Variants in INPP4B observed in about 807,000 individuals in gnomAD.
INPP4B encodes inositol polyphosphate-4-phosphatase type II B.
INPP4B carries 55 observed loss-of-function variants against 122.5 expected under a neutral mutation model. That is an observed-to-expected ratio of 0.45 (90% confidence interval 0.36 to 0.56). INPP4B has a LOEUF of 0.56. Ranked by LOEUF, INPP4B falls within the 20% of genes least tolerant of loss-of-function variation. INPP4B has a pLI of 0.00. For synonymous variants in INPP4B, 403 were observed against 388.7 expected (o/e 1.04, Z -0.43); for missense variants, 1,000 against 1,097.7 (o/e 0.91, Z 1.26).
At chr4:142,614,222 A>AAAAC (rs1388694245) in intron 2 of INPP4B, among the ~76,000 whole-genome samples, 3 of 152,108 alleles carry the variant, frequency 2.0e-5, no homozygotes, top group Non-Finnish European at 2.9e-5. Flanking sequence ...ACTCTGTCTC[A>AAAAC]AAACAAACAA....
At position 142,822,880 on chromosome 4, in the gene INPP4B, T is replaced by C. The variant is rs182357810; in HGVS notation, c.-254+23329A>G. ...GCTATGTTCACAAACAATTCCAAAA[T>C]CTTCCTGTCTTCTTACAAAGGTTTC... is the stretch of plus-strand genomic sequence containing the variant. On this transcript the variant is annotated intron_variant, in intron 1 of 25. Transcript: ENST00000262992. 4.2e-3 allele frequency among the ~76,000 whole-genome samples: 644 copies of C among 152,296 alleles called. 3 individuals are homozygous for C. Among genetic ancestry groups the C allele is most frequent in the Non-Finnish European group, 8.0e-3 (543 of 68,018 alleles).
chr4:142,087,962 G>T (rs572778039), intron 23 of INPP4B, among the ~76,000 whole-genome samples: 2 of 152,162 alleles, frequency 1.3e-5, no homozygotes, highest in African/African-American at 2.4e-5. Context: ...GGGAAGTGAG[G>T]TTCAAAATAG....
At chr4:142,031,510 T>C (rs1410430319) in intron 25 of INPP4B, among the ~76,000 whole-genome samples, 1 of 152,208 alleles carries the variant, frequency 6.6e-6, no homozygotes, top group African/African-American at 2.4e-5. Context: ...TGCTCTGTTA[T>C]ATCCTCATGG....
intron 1 of INPP4B, among the ~76,000 whole-genome samples, chr4:142,820,249 G>A (rs1186851430): frequency 6.6e-6 from 1 of 152,152 alleles, no homozygotes; most frequent in Non-Finnish European, 1.5e-5. Flanking sequence ...TGGGTCATGA[G>A]GGTGGATTCC....
intron 10 of INPP4B, among the ~76,000 whole-genome samples, chr4:142,267,838 A>G (rs1266903853): frequency 1.3e-5 from 2 of 152,184 alleles, no homozygotes; most frequent in African/African-American, 2.4e-5. Flanking sequence ...TTCAAAATAT[A>G]TAAGAAACTC....
At chr4:142,708,452 T>C (rs1378544807) in intron 2 of INPP4B, among the ~76,000 whole-genome samples, 2 of 152,074 alleles carry the variant, frequency 1.3e-5, no homozygotes, top group African/African-American at 2.4e-5. Flanking sequence ...TAGGGAGGAA[T>C]GGTTCTGTGA....
chr4:142,110,835 T>C (rs1465623106), intron 22 of INPP4B, among the ~76,000 whole-genome samples: 1 of 152,176 alleles, frequency 6.6e-6, no homozygotes, highest in Non-Finnish European at 1.5e-5. Flanking sequence ...TTAGTCCATC[T>C]TAGAAGCCTT....
intron 7 of INPP4B, among the ~76,000 whole-genome samples, chr4:142,391,618 C>A (rs906340156): frequency 5.3e-5 from 8 of 152,036 alleles, no homozygotes; most frequent in South Asian, 2.1e-4. Flanking sequence ...ACAAAAAAAA[C>A]CATGTACTCC....
intron 9 of INPP4B, among the ~76,000 whole-genome samples, chr4:142,284,847 G>A (rs181001258): frequency 2.5e-4 from 38 of 152,228 alleles, no homozygotes; most frequent in South Asian, 4.2e-4. Flanking sequence ...ATAGGTATGC[G>A]AAACTCTGGG....
chr4:142,785,485 TAAGAAAG>T (rs1775627250), intron 1 of INPP4B, among the ~76,000 whole-genome samples: 1 of 151,816 alleles, frequency 6.6e-6, no homozygotes, highest in African/African-American at 2.4e-5. Context: ...ATGAACACTC[TAAGAAAG>T]AATCAAAAGA....
intron 4 of INPP4B, 105 bp downstream of exon 4, chr4:142,431,064 C>A: frequency 1.3e-6 from 1 of 780,088 alleles, no homozygotes; most frequent in Non-Finnish European, 2.1e-6. Flanking sequence ...TTTATTAGAA[C>A]CGAAGTTCCT....
At chr4:142,199,905 T>C (rs2149434712) in intron 14 of INPP4B, among the ~76,000 whole-genome samples, 1 of 152,170 alleles carries the variant, frequency 6.6e-6, no homozygotes, top group East Asian at 1.9e-4. Flanking sequence ...CCTGGAAAGT[T>C]AGTAAAAATC....
intron 25 of INPP4B, among the ~76,000 whole-genome samples, chr4:142,033,557 C>A (rs1741783110): frequency 6.6e-6 from 1 of 152,080 alleles, no homozygotes; most frequent in Non-Finnish European, 1.5e-5. Context: ...GTGCATTTCT[C>A]AACTTCCTTT....
chr4:142,678,840 G>T (rs1223268104), intron 2 of INPP4B, among the ~76,000 whole-genome samples: 1 of 150,182 alleles, frequency 6.7e-6, no homozygotes, highest in East Asian at 2.0e-4. Context: ...TTGTTGTGGT[G>T]TTTTTTTTTC....
intron 2 of INPP4B, among the ~76,000 whole-genome samples, chr4:142,492,124 C>G (rs543043311): frequency 6.6e-6 from 1 of 152,178 alleles, no homozygotes; most frequent in East Asian, 1.9e-4. Context: ...TGGCACTTCT[C>G]CTTGCTGCCA....
chr4:142,180,658 A>T (rs1032448167), intron 15 of INPP4B, among the ~76,000 whole-genome samples: 2 of 152,188 alleles, frequency 1.3e-5, no homozygotes, highest in East Asian at 3.8e-4. Flanking sequence ...ATAGATGGTA[A>T]AACCAGGTTC....
At chr4:142,401,296 C>T (rs764247505) in intron 7 of INPP4B, among the ~76,000 whole-genome samples, 1 of 152,118 alleles carries the variant, frequency 6.6e-6, no homozygotes, top group Non-Finnish European at 1.5e-5. Context: ...TGGGTGAGAG[C>T]TCTGGGCATA....
intron 2 of INPP4B, among the ~76,000 whole-genome samples, chr4:142,688,750 A>T (rs1388386475): frequency 6.6e-6 from 1 of 152,206 alleles, no homozygotes; most frequent in African/African-American, 2.4e-5. Context: ...TCGCCATAAG[A>T]TTAGAAATTA....
chr4:142,251,033 C>A (rs1316008239), intron 11 of INPP4B, among the ~76,000 whole-genome samples: 1 of 152,158 alleles, frequency 6.6e-6, no homozygotes. Context: ...GCTTCCAACA[C>A]TTATGCCTTA....
Sources: allele counts gnomAD v4.1 joint callset (sites outside exome capture counted in the v4.1 genomes callset), GRCh38; gene constraint gnomAD v4.1.1; transcripts MANE v1.5; gene names NCBI Gene and HGNC (gene_info 2026-07-23, HGNC 2026-07-21).